ABLIM1: variants seen among roughly 807,000 people sequenced by gnomAD.
ABLIM1 encodes the protein actin binding LIM protein 1.
In ABLIM1, 40 loss-of-function variants were observed where a neutral mutation model predicts 107.0. That is an observed-to-expected ratio of 0.37 (90% CI 0.29 to 0.49). The LOEUF is 0.49. Among genes scored for constraint, ABLIM1 ranks in the 20% least tolerant of loss-of-function variants. The pLI is 0.97. For missense variants in ABLIM1, 857 were observed against 1,008.5 expected, an observed-to-expected ratio of 0.85 and a Z score of 2.04; for synonymous variants, 357 against 357.3, an observed-to-expected ratio of 1.00 and a Z score of 0.01.
intron 6 of ABLIM1, among the ~76,000 whole-genome samples, chr10:114,538,103 C>T (rs1318133263): frequency 3.9e-5 from 6 of 152,126 alleles, no homozygotes; most frequent in African/African-American, 1.4e-4. Context: ...AATACCTATG[C>T]CAAAAAGAAG....
chr10:114,692,491 G>A (rs1466099992), intron 1 of ABLIM1, among the ~76,000 whole-genome samples: 2 of 152,166 alleles, frequency 1.3e-5, no homozygotes, highest in African/African-American at 4.8e-5. Context: ...TCCTTGCAAT[G>A]ATCTTCCATA....
chr10:114,631,714 G>A (rs2078187781), intron 1 of ABLIM1, among the ~76,000 whole-genome samples: 1 of 151,876 alleles, frequency 6.6e-6, no homozygotes, highest in African/African-American at 2.4e-5. Flanking sequence ...CTCCCGATGC[G>A]GTGGTGAAAT....
chr10:114,768,698 T>C (rs1372306351), upstream of ABLIM1, among the ~76,000 whole-genome samples: 1 of 151,024 alleles, frequency 6.6e-6, no homozygotes, highest in East Asian at 2.0e-4. Flanking sequence ...CCAGCGACCC[T>C]CGAGTCAGCG....
chr10:114,613,752 C>T (rs919213383), intron 1 of ABLIM1: 29 of 1,302,716 alleles, frequency 2.2e-5, no homozygotes, highest in Non-Finnish European at 2.9e-5. Flanking sequence ...TTCTAGAATG[C>T]TACACATTCT....
intron 1 of ABLIM1, among the ~76,000 whole-genome samples, chr10:114,665,265 T>C (rs547751400): frequency 6.6e-6 from 1 of 152,310 alleles, no homozygotes; most frequent in African/African-American, 2.4e-5. Context: ...TGTGCTCCCT[T>C]GCATTCCCTC....
chr10:114,550,127 T>C (rs1326909763), intron 4 of ABLIM1, among the ~76,000 whole-genome samples: 1 of 152,188 alleles, frequency 6.6e-6, no homozygotes, highest in African/African-American at 2.4e-5. Flanking sequence ...TATGGCCCAT[T>C]ATCTAGTACA....
intron 6 of ABLIM1, among the ~76,000 whole-genome samples, chr10:114,497,710 C>G (rs1169888037): frequency 1.4e-5 from 2 of 145,014 alleles, no homozygotes; most frequent in African/African-American, 2.6e-5. Flanking sequence ...AAAAAAATCA[C>G]GTCCCCATTT....
At position 114,629,835 on chromosome 10, in the gene ABLIM1, AAAAC is replaced by A. The variant is rs146186005; in HGVS notation, c.245-27878_245-27875del. On this transcript the variant is annotated intron_variant, in intron 1 of 22. Coordinates refer to ENST00000533213, the MANE Select transcript of ABLIM1 (RefSeq NM_002313.7). This position sits in a 1 kb window ranked among gnomAD's most constrained non-coding sequence, Gnocchi z 4.0. ...TATGGAAACCCTTGTGTACCTACCA[AAAAC>A]AAACAAACAAACAAACAAAAATGAA... Among the ~76,000 whole-genome samples, 13,417 of 151,856 alleles carry A rather than the reference AAAAC, an allele frequency of 0.088. 1,364 individuals carry two copies. The highest frequency in any genetic ancestry group is 0.25 in the African/African-American group (10,340 of 41,366).
intron 6 of ABLIM1, among the ~76,000 whole-genome samples, chr10:114,512,847 G>A (rs191137149): frequency 1.6e-4 from 11 of 66,678 alleles, no homozygotes; most frequent in South Asian, 4.2e-4. Context: ...AAGGAAGGAA[G>A]GAAGGAAAGA....
chr10:114,786,074 C>T, the ABLIM1 span, among the ~76,000 whole-genome samples: 1 of 151,780 alleles, frequency 6.6e-6, no homozygotes, highest in African/African-American at 2.4e-5. Context: ...TCTTTTTATT[C>T]TTAATACCTG....
At position 114,707,073 on chromosome 10, in the gene ABLIM1, T is replaced by C. The variant is rs867988282; in HGVS notation, c.-213+60988A>G. Reference sequence around the variant, plus strand: ...CATTAGAAAGGTAAAAAGAAACAGGTAAAATTAATTTTAAGATTTTTAAGA... The same window carrying C: ...CATTAGAAAGGTAAAAAGAAACAGGCAAAATTAATTTTAAGATTTTTAAGA... On this transcript the variant is annotated intron_variant, in intron 1 of 15. Coordinates refer to the ABLIM1 transcript ENST00000651092. This position sits in a 1 kb window ranked among gnomAD's most constrained non-coding sequence, Gnocchi z 4.1. Among the ~76,000 whole-genome samples the C allele has an allele frequency of 2.4e-4, 36 of 152,196 alleles. No homozygotes were observed. Among genetic ancestry groups the C allele is most frequent in the African/African-American group, 8.2e-4 (34 of 41,460 alleles).
intron 1 of ABLIM1, among the ~76,000 whole-genome samples, chr10:114,617,023 C>T (rs1339754264): frequency 2.0e-5 from 3 of 152,186 alleles, no homozygotes; most frequent in Admixed American, 1.3e-4. Context: ...GCAGAGCTCT[C>T]ATTTATAAAC....
At chr10:114,654,453 T>C (rs2079400785) in intron 1 of ABLIM1, among the ~76,000 whole-genome samples, 1 of 152,142 alleles carries the variant, frequency 6.6e-6, no homozygotes, top group African/African-American at 2.4e-5. Flanking sequence ...CACGTTCTCA[T>C]TCTTTAAATT....
At chr10:114,474,667 A>G (rs897511477) in intron 8 of ABLIM1, among the ~76,000 whole-genome samples, 4 of 152,176 alleles carry the variant, frequency 2.6e-5, no homozygotes, top group Non-Finnish European at 5.9e-5. Flanking sequence ...GGCGTGAGCC[A>G]CCGCACTCAG....
chr10:114,794,930 G>A, the ABLIM1 span, among the ~76,000 whole-genome samples: 3 of 152,144 alleles, frequency 2.0e-5, no homozygotes, highest in Non-Finnish European at 4.4e-5. Context: ...TGGCTGTAAT[G>A]AGGAATAATT....
chr10:114,439,728 C>T, intron 20 of ABLIM1: 1 of 357,588 alleles, frequency 2.8e-6, no homozygotes, highest in Non-Finnish European at 5.1e-6. Context: ...TGAGAACGCG[C>T]AGGAAAAGGG....
chr10:114,559,574 C>T (rs996382713), intron 4 of ABLIM1, among the ~76,000 whole-genome samples: 19 of 152,148 alleles, frequency 1.2e-4, no homozygotes, highest in African/African-American at 4.8e-5. Context: ...GGGTCTCCCT[C>T]GGGGCAGGGC....
chr10:114,436,294 C>T lies in ABLIM1; in HGVS notation c.2303G>A (p.Arg768His), dbSNP rs775966839. 6.2e-7 allele frequency: 1 copy of T among 1,613,722 alleles called. No individual in the cohort carries two copies. The highest frequency in any genetic ancestry group is 1.1e-5 in the South Asian group (1 of 91,046). ...QEFDRLPLWR[R>H]NDMKKKAKLF ...TTTTGCTTTTTTCTTCATGTCGTTG[C>T]GTCTCCAAAGAGGTAACCTGTCAAA... Residue 768 changes from arginine to histidine, a missense_variant, in exon 23 of 23, where the codon CGC (arginine) becomes CAC (histidine). Coordinates refer to ENST00000533213, the MANE Select transcript of ABLIM1 (RefSeq NM_002313.7).
intron 1 of ABLIM1, among the ~76,000 whole-genome samples, chr10:114,715,884 A>G (rs1203786675): frequency 6.6e-6 from 1 of 152,208 alleles, no homozygotes; most frequent in Non-Finnish European, 1.5e-5. Context: ...ATGTTACTAG[A>G]AGTATACACA....
Sources: gnomAD v4.1 joint callset for allele counts (sites outside exome capture counted in the v4.1 genomes callset) on GRCh38, gnomAD v4.1.1 for gene constraint, Gnocchi (gnomAD v3.1) non-coding constraint, MANE v1.5 for transcripts, NCBI Gene and HGNC (gene_info 2026-07-23, HGNC 2026-07-21) for gene names.